ZNF384: variants seen among roughly 807,000 people sequenced by gnomAD.
ZNF384 encodes zinc finger protein 384, also known as CAG repeat protein 1.
Under a neutral mutation model 65.0 loss-of-function variants are expected in ZNF384, and 20 were observed. That is an observed-to-expected ratio of 0.31 (90% CI 0.22 to 0.45). ZNF384 has a LOEUF of 0.45. ZNF384 is among the 20% of genes least tolerant of loss of function. The probability of loss-of-function intolerance (pLI) is 1.00; values close to 1 mark genes in which losing one functional copy is unlikely to be tolerated. For missense variants in ZNF384, 549 were observed against 769.4 expected, an observed-to-expected ratio of 0.71 and a Z score of 3.39; for synonymous variants, 310 against 303.9, an observed-to-expected ratio of 1.02 and a Z score of -0.21.
At position 6,678,514 on chromosome 12, in the gene ZNF384, T is replaced by A. The variant is rs1379919300; in HGVS notation, c.353-54A>T. On this transcript the variant is annotated intron_variant, in intron 5 of 11. Transcript: ENST00000683879. This position sits in a 1 kb window ranked among gnomAD's most constrained non-coding sequence, Gnocchi z 4.9. Reference sequence around the variant, plus strand: ...TCATGTTGTTCAGTCCTGATCCTAATCCTATTTCATTTCCCCCAGATCATT... The same window carrying A: ...TCATGTTGTTCAGTCCTGATCCTAAACCTATTTCATTTCCCCCAGATCATT... 2 of 1,541,784 alleles carry A rather than the reference T, an allele frequency of 1.3e-6. No individual in the cohort carries two copies.
chr12:6,677,986 G>C, intron 6 of ZNF384, 141 bp downstream of exon 6: 1 of 744,698 alleles, frequency 1.3e-6, no homozygotes, highest in Non-Finnish European at 2.2e-6. Context: ...TCCTATGATG[G>C]GACACCTGAC....
chr12:6,677,475 CT>C (rs1291112132), intron 6 of ZNF384, among the ~76,000 whole-genome samples: 1 of 152,158 alleles, frequency 6.6e-6, no homozygotes, highest in Non-Finnish European at 1.5e-5. Context: ...AGGGAGTTTA[CT>C]TATGTAATTA....
chr12:6,667,273 T>C lies in ZNF384; in HGVS notation c.*441A>G, dbSNP rs561534897. ...ACCTCTGTTCTTTTGCAGGCAAGAATAGAACAAGAGGCTGGTTGCATTTGG... is the reference window on the plus strand; with the variant it reads ...ACCTCTGTTCTTTTGCAGGCAAGAACAGAACAAGAGGCTGGTTGCATTTGG... On this transcript the variant is annotated 3_prime_UTR_variant, in exon 12 of 12. Coordinates refer to ENST00000683879, the MANE Select transcript of ZNF384 (RefSeq NM_001385745.1). 2.0e-5 allele frequency: 7 copies of C among 344,722 alleles called. No homozygotes were observed. Among genetic ancestry groups the C allele is most frequent in the East Asian group, 1.8e-4 (4 of 22,210 alleles). The allele number at this position is 344,722 out of a possible 1,614,324, so 21.4% of individuals were successfully genotyped here.
Position 6,679,435 on chromosome 12 carries a change from A to C in ZNF384, c.66+20T>G. ...CTTACTACTGAGACTTGGAGAGAGCAAGAAAGCAACACCACTTACCTGACC... is the reference window on the plus strand; with the variant it reads ...CTTACTACTGAGACTTGGAGAGAGCCAGAAAGCAACACCACTTACCTGACC... On this transcript the variant is annotated intron_variant, in intron 3 of 11. Coordinates refer to ENST00000683879, the MANE Select transcript of ZNF384 (RefSeq NM_001385745.1). 6.2e-7 allele frequency: 1 copy of C among 1,612,516 alleles called. No homozygotes were observed. The highest frequency in any genetic ancestry group is 1.1e-5 in the South Asian group (1 of 91,048).
rs1284948994 is a variant in ZNF384 at position 6,667,684 on chromosome 12, C to T, written c.*30G>A. On this transcript the variant is annotated 3_prime_UTR_variant, in exon 12 of 12. Transcript: ENST00000683879. ...AAAGAAGACACCAGGACTACTTCTT[C>T]CTCTTCCCAGTGGGTGGCAGCACGG... The T allele has an allele frequency of 1.9e-6, 3 of 1,613,920 alleles. No individual in the cohort carries two copies. Among genetic ancestry groups the T allele is most frequent in the Non-Finnish European group, 2.5e-6 (3 of 1,179,986 alleles).
intron 7 of ZNF384, among the ~76,000 whole-genome samples, chr12:6,675,934 C>A (rs528098332): frequency 1.3e-5 from 2 of 152,144 alleles, no homozygotes; most frequent in Non-Finnish European, 2.9e-5. Context: ...AATAGCCAGT[C>A]AAATGCTACT....
intron 10 of ZNF384, among the ~76,000 whole-genome samples, chr12:6,670,533 G>T (rs1333900341): frequency 6.6e-6 from 1 of 152,130 alleles, no homozygotes; most frequent in Non-Finnish European, 1.5e-5. Flanking sequence ...CACACAATGG[G>T]TTTATTTTTG....
At chr12:6,681,954 T>C (rs767614496) in intron 2 of ZNF384, among the ~76,000 whole-genome samples, 1 of 152,050 alleles carries the variant, frequency 6.6e-6, no homozygotes, top group Non-Finnish European at 1.5e-5. Context: ...CTAATCAGTA[T>C]CTGATACAGG....
chr12:6,688,340 C>T (rs1011784305), intron 1 of ZNF384, 114 bp from the exon 2 acceptor site: 1 of 152,556 alleles, frequency 6.6e-6, no homozygotes, highest in Non-Finnish European at 1.5e-5. Flanking sequence ...GGCAGACCCC[C>T]CAGCCAGCAA....
rs757136291 is a variant in ZNF384 at position 6,678,955 on chromosome 12, T to C, written c.295A>G (p.Met99Val). ...GAGCAGAGTTGCTCACCAGCAGTCA[T>C]CAGTCCTGTAGACGGCACAGGGACC... is the stretch of plus-strand genomic sequence containing the variant. ...TVVPVPSTGLMTAGVSCSQRW... is the reference protein window; with the variant it reads ...TVVPVPSTGLVTAGVSCSQRW... The change falls in exon 4 of 12, where the codon ATG becomes GTG. Residue 99 changes from methionine to valine, a missense_variant. Physicochemically the swap from Met to Val is conservative, Grantham distance 21. Coordinates refer to ENST00000683879, the MANE Select transcript of ZNF384 (RefSeq NM_001385745.1). The surrounding 1 kb of genome is among the most constrained non-coding windows in gnomAD (Gnocchi z 4.9). 1 of 1,613,740 alleles carries C rather than the reference T, an allele frequency of 6.2e-7. No homozygotes were observed. Among genetic ancestry groups the C allele is most frequent in the South Asian group, 1.1e-5 (1 of 91,068 alleles).
Position 6,672,272 on chromosome 12 carries a change from G to C in ZNF384, c.1187+78C>G. ...TCTCTCCCCCGCCCCCCGCATGCGG[G>C]TTGTTGTGTGTGTCCGGGGCGGGGG... On this transcript the variant is annotated intron_variant, in intron 9 of 11. Transcript: ENST00000683879. The surrounding 1 kb of genome is among the most constrained non-coding windows in gnomAD (Gnocchi z 4.4). 2.0e-6 allele frequency: 3 copies of C among 1,477,030 alleles called. No homozygotes were observed. Among genetic ancestry groups the C allele is most frequent in the Non-Finnish European group, 2.7e-6 (3 of 1,095,806 alleles). The allele number at this position is 1,477,030 out of a possible 1,614,324, so 91.5% of individuals were successfully genotyped here. A position where few individuals can be genotyped will look rare whatever the true frequency, so the allele number is the denominator to read the frequency against.
Position 6,670,823 on chromosome 12 carries a change from A to C in ZNF384, c.1203T>G (p.Asp401Glu). ...CTGGGTGTGCACATTTGTATGGTCT[A>C]TCACCAGTGTGGATTCTGCACAGGA... is the stretch of plus-strand genomic sequence containing the variant. ...LQQHTRIHTGDRPYKCAHPGC... is the reference protein window; with the variant it reads ...LQQHTRIHTGERPYKCAHPGC... The change falls in exon 10 of 12, where the codon GAT (aspartate) becomes GAG (glutamate). Residue 401 changes from aspartate (D) to glutamate (E), a missense_variant. Asp to Glu is a conservative substitution (Grantham distance 45). Around this residue, in one of 5 missense-constraint regions of ZNF384, gnomAD observed 38 missense variants for 99.7 expected, o/e 0.38. Coordinates refer to ENST00000683879, the MANE Select transcript of ZNF384 (RefSeq NM_001385745.1). 5 of 1,614,158 alleles carry C rather than the reference A, an allele frequency of 3.1e-6. No individual in the cohort carries two copies. Among genetic ancestry groups the C allele is most frequent in the Non-Finnish European group, 3.4e-6 (4 of 1,180,008 alleles).
chr12:6,670,552 A>G (rs1466608080), intron 10 of ZNF384, among the ~76,000 whole-genome samples: 1 of 152,228 alleles, frequency 6.6e-6, no homozygotes, highest in Non-Finnish European at 1.5e-5. Context: ...TGTTCTTTCT[A>G]AACAGATTAC....
At chr12:6,681,637 T>C (rs574870946) in intron 2 of ZNF384, among the ~76,000 whole-genome samples, 1 of 152,210 alleles carries the variant, frequency 6.6e-6, no homozygotes, top group South Asian at 2.1e-4. Flanking sequence ...AGAAACTCAG[T>C]TTTAAGTACT....
intron 7 of ZNF384, 61 bp downstream of exon 7, chr12:6,677,106 C>G: frequency 4.4e-6 from 2 of 449,772 alleles, no homozygotes; most frequent in Non-Finnish European, 8.4e-6. Context: ...GAGGCATAAA[C>G]AGAATTATCC....
chr12:6,669,365 T>C (rs1208078637), intron 10 of ZNF384, among the ~76,000 whole-genome samples, 176 bp from the exon 11 acceptor site: 1 of 152,176 alleles, frequency 6.6e-6, no homozygotes, highest in African/African-American at 2.4e-5. Context: ...GGTGGAAGCA[T>C]ACCTCATGTA....
At chr12:6,680,647 C>CAA (rs566727946) in intron 2 of ZNF384, among the ~76,000 whole-genome samples, 254 of 103,338 alleles carry the variant, frequency 2.5e-3, no homozygotes, top group African/African-American at 8.5e-3. Flanking sequence ...AATTCCGTCT[C>CAA]AAAAAAAAAA....
In ZNF384 at chr12:6,683,072, C is replaced by T. The variant is rs553395419; in HGVS notation, c.-5-3547G>A. ...TTGGGAGGCTGAGGCAGGTGGATCA[C>T]TTGAGGTCAGGACTTTGAGACCAGC... is the stretch of plus-strand genomic sequence containing the variant. On this transcript the variant is annotated intron_variant, in intron 2 of 11. Transcript: ENST00000683879. Among the ~76,000 whole-genome samples the T allele has an allele frequency of 1.8e-4, 28 of 151,828 alleles. No individual in the cohort carries two copies. In the East Asian group the frequency reaches 5.1e-3, roughly 28 times the overall value.
intron 2 of ZNF384, among the ~76,000 whole-genome samples, chr12:6,681,695 ACT>A (rs749008078): frequency 3.3e-5 from 5 of 152,152 alleles, no homozygotes; most frequent in African/African-American, 7.2e-5. Context: ...GCTGAAAATT[ACT>A]CTAACATAAC....
Sources: allele counts gnomAD v4.1 joint callset (sites outside exome capture counted in the v4.1 genomes callset), GRCh38; gene constraint gnomAD v4.1.1; regional missense constraint gnomAD v4.1.1; non-coding constraint Gnocchi (gnomAD v3.1); transcripts MANE v1.5; gene names NCBI Gene and HGNC (gene_info 2026-07-23, HGNC 2026-07-21).